The following EGFR variants were observed in gnomAD, a reference collection of about 807,000 sequenced individuals.
EGFR encodes the protein avian erythroblastic leukemia viral (v-erb-b) oncogene homolog.
EGFR carries 58 observed loss-of-function variants against 143.0 expected under a neutral mutation model. The observed-to-expected ratio is 0.41, with a 90% CI of 0.33 to 0.50. EGFR has a LOEUF of 0.50. Ranked by LOEUF, EGFR falls within the 20% of genes least tolerant of loss-of-function variation. The pLI is 0.39. For missense variants in EGFR, 1,307 were observed against 1,579.0 expected, an observed-to-expected ratio of 0.83 and a Z score of 2.92; for synonymous variants, 613 against 594.4, an observed-to-expected ratio of 1.03 and a Z score of -0.45.
chr7:55,019,484 T>A, intron 1 of EGFR, 119 bp downstream of exon 1: 2 of 478,828 alleles, frequency 4.2e-6, no homozygotes, highest in Non-Finnish European at 5.9e-6. Context: ...CGTCCTTTCC[T>A]GTTTCCTTGA....
chr7:55,200,857 A>C (rs1787815558), intron 24 of EGFR: 1 of 484,168 alleles, frequency 2.1e-6, no homozygotes, highest in African/African-American at 1.9e-5. Flanking sequence ...GATTCAATAA[A>C]ATATGTTGCA....
Position 55,181,332 on chromosome 7 carries a change from T to A in EGFR, c.2323T>A (p.Cys775Ser). Residue 775 changes from cysteine (C) to serine (S), a missense_variant, in exon 20 of 28, where the codon TGC becomes AGC. Physicochemically the swap from Cys to Ser is moderately radical, Grantham distance 112. Around this residue, in one of 7 missense-constraint regions of EGFR, gnomAD observed 348 missense variants for 451.5 expected, o/e 0.77. Transcript: ENST00000275493. Reference protein sequence around the residue: ...VMASVDNPHVCRLLGICLTST... With the variant: ...VMASVDNPHVSRLLGICLTST... Reference sequence around the variant, plus strand: ...GGCCAGCGTGGACAACCCCCACGTGTGCCGCCTGCTGGGCATCTGCCTCAC... The same window carrying A: ...GGCCAGCGTGGACAACCCCCACGTGAGCCGCCTGCTGGGCATCTGCCTCAC... The A allele has an allele frequency of 1.2e-6, 2 of 1,614,208 alleles. No homozygotes were observed. The highest frequency in any genetic ancestry group is 1.7e-6 in the Non-Finnish European group (2 of 1,180,036).
At chr7:55,140,709 A>T (rs1562751399) in intron 1 of EGFR, among the ~76,000 whole-genome samples, 2 of 152,200 alleles carry the variant, frequency 1.3e-5, no homozygotes, top group Admixed American at 6.5e-5. Flanking sequence ...GGTTGGAAAA[A>T]TGATGGAATA....
chr7:55,044,378 C>T (rs1788071205), intron 1 of EGFR, among the ~76,000 whole-genome samples: 1 of 152,176 alleles, frequency 6.6e-6, no homozygotes, highest in African/African-American at 2.4e-5. Context: ...CTTTATGGGA[C>T]TTTGAAATAA....
At chr7:55,125,784 C>T (rs1049994261) in intron 1 of EGFR, among the ~76,000 whole-genome samples, 2 of 152,208 alleles carry the variant, frequency 1.3e-5, no homozygotes, top group African/African-American at 2.4e-5. Context: ...GTCACAGACA[C>T]GCCCACTTCC....
chr7:55,151,205 T>C (rs1785133455), intron 4 of EGFR, 89 bp from the exon 5 acceptor site: 2 of 1,258,292 alleles, frequency 1.6e-6, no homozygotes, highest in Non-Finnish European at 2.3e-6. Flanking sequence ...TCTTCATTTA[T>C]TGAATGTGCT....
At chr7:55,186,990 G>A (rs1217813526) in intron 20 of EGFR, among the ~76,000 whole-genome samples, 2 of 152,230 alleles carry the variant, frequency 1.3e-5, no homozygotes, top group South Asian at 4.1e-4. Flanking sequence ...ACCAAACAGC[G>A]TGACAGGTCC....
intron 20 of EGFR, among the ~76,000 whole-genome samples, chr7:55,190,009 A>G (rs752278605): frequency 2.6e-5 from 4 of 152,180 alleles, no homozygotes; most frequent in Non-Finnish European, 5.9e-5. Context: ...GCATCGCAGG[A>G]GTCAAACGAG....
At chr7:55,201,937 T>G (rs1410441840) in intron 26 of EGFR, among the ~76,000 whole-genome samples, 155 bp downstream of exon 26, 1 of 152,090 alleles carries the variant, frequency 6.6e-6, no homozygotes, top group Non-Finnish European at 1.5e-5. Flanking sequence ...CGCCTCACAG[T>G]GCCGTTCAAA....
intron 1 of EGFR, among the ~76,000 whole-genome samples, chr7:55,049,173 A>T (rs1270525865): frequency 3.9e-5 from 6 of 152,248 alleles, no homozygotes; most frequent in Non-Finnish European, 5.9e-5. Flanking sequence ...TCTGTATTGC[A>T]TCCAAATTAT....
intron 7 of EGFR, among the ~76,000 whole-genome samples, chr7:55,155,003 A>G (rs1785340174): frequency 6.6e-6 from 1 of 152,240 alleles, no homozygotes; most frequent in African/African-American, 2.4e-5. Context: ...TGACACAGAT[A>G]TATCTTTGAG....
chr7:55,191,663 G>C (rs2128964230), intron 20 of EGFR, 56 bp from the exon 21 acceptor site: 3 of 1,609,532 alleles, frequency 1.9e-6, no homozygotes, highest in Non-Finnish European at 1.7e-6. Flanking sequence ...GAATTCGGAT[G>C]CAGAGCTTCT....
intron 12 of EGFR, 46 bp from the exon 13 acceptor site, chr7:55,161,453 G>A: frequency 1.9e-6 from 3 of 1,598,272 alleles, no homozygotes; most frequent in South Asian, 2.2e-5. Flanking sequence ...GGCCCCTCGG[G>A]TCCCTGCTCT....
At chr7:55,033,235 G>A (rs1787365108) in intron 1 of EGFR, among the ~76,000 whole-genome samples, 1 of 152,206 alleles carries the variant, frequency 6.6e-6, no homozygotes, top group African/African-American at 2.4e-5. Flanking sequence ...ATGTGGACAT[G>A]GGACTAACAT....
At chr7:55,074,215 C>T (rs6960438) in intron 1 of EGFR, among the ~76,000 whole-genome samples, 130,475 of 152,302 alleles carry the variant, frequency 0.86, 56,227 homozygotes, top group East Asian at 0.97. Context: ...CTCTGAGTCA[C>T]GGTGAAAATG....
chr7:55,074,144 TA>T (rs1463482336), intron 1 of EGFR, among the ~76,000 whole-genome samples: 1 of 152,206 alleles, frequency 6.6e-6, no homozygotes, highest in East Asian at 1.9e-4. Context: ...TGGCTCATTC[TA>T]AGGTACACGC....
chr7:55,058,086 T>C lies in EGFR; in HGVS notation c.88+38721T>C, dbSNP rs140160992. On this transcript the variant is annotated intron_variant, in intron 1 of 27. Coordinates refer to ENST00000275493, the MANE Select transcript of EGFR (RefSeq NM_005228.5). ...ATTACTGGATATATACCCAAAGGAA[T>C]AGAAATCATTCTATTATAAAAACAC... Among the ~76,000 whole-genome samples the C allele has an allele frequency of 2.6e-3, 397 of 152,370 alleles. 3 individuals carry two copies. The highest frequency in any genetic ancestry group is 9.1e-3 in the African/African-American group (379 of 41,600).
chr7:55,199,804 C>G (rs569068043), intron 23 of EGFR, among the ~76,000 whole-genome samples: 3 of 152,330 alleles, frequency 2.0e-5, no homozygotes, highest in Admixed American at 1.3e-4. Context: ...TGCATGCCCA[C>G]CAGCCTTCTC....
intron 27 of EGFR, among the ~76,000 whole-genome samples, chr7:55,203,806 A>G (rs1277800320): frequency 1.3e-5 from 2 of 151,722 alleles, no homozygotes; most frequent in African/African-American, 2.4e-5. Flanking sequence ...CCCCACACAC[A>G]CATGTATAAA....
Sources: allele counts gnomAD v4.1 joint callset (sites outside exome capture counted in the v4.1 genomes callset), GRCh38; gene constraint gnomAD v4.1.1; regional missense constraint gnomAD v4.1.1; transcripts MANE v1.5; gene names NCBI Gene and HGNC (gene_info 2026-07-23, HGNC 2026-07-21).